Variants in TP63 observed in about 807,000 individuals in gnomAD.
TP63 encodes the protein tumor protein p63.
Under a neutral mutation model 82.8 loss-of-function variants are expected in TP63, and 17 were observed. That is an observed-to-expected ratio of 0.21 (90% CI 0.14 to 0.31). TP63 has a LOEUF of 0.31. TP63 is among the 10% of genes least tolerant of loss of function. The pLI is 1.00. For synonymous variants in TP63, 330 were observed against 321.7 expected (o/e 1.03, Z -0.28); for missense variants, 648 against 895.3 (o/e 0.72, Z 3.52).
intron 3 of TP63, among the ~76,000 whole-genome samples, chr3:189,797,457 CT>C (rs1338142896): frequency 6.6e-6 from 1 of 152,066 alleles, no homozygotes; most frequent in East Asian, 1.9e-4. Context: ...AGTGATCTTT[CT>C]CAAGTTTATT....
chr3:189,649,878 G>A lies in TP63; in HGVS notation c.62+18301G>A, dbSNP rs779761092. 7.5e-5 allele frequency among the ~76,000 whole-genome samples: 11 copies of A among 146,808 alleles called. 3 individuals are homozygous for A. The highest frequency in any genetic ancestry group is 4.8e-4 in the East Asian group (2 of 4,176). On this transcript the variant is annotated intron_variant, in intron 1 of 13. Coordinates refer to ENST00000264731, the MANE Select transcript of TP63 (RefSeq NM_003722.5). Reference sequence around the variant, plus strand: ...AACTGATGAGGAACAGGGATGTGACGTGTAGGTAAAAGTAATGATTAACTT... The same window carrying A: ...AACTGATGAGGAACAGGGATGTGACATGTAGGTAAAAGTAATGATTAACTT...
At chr3:189,837,066 G>A (rs144459541) in intron 4 of TP63, among the ~76,000 whole-genome samples, 9 of 152,214 alleles carry the variant, frequency 5.9e-5, no homozygotes, top group East Asian at 1.9e-4. Flanking sequence ...TGTGAGTACC[G>A]TGTTCTTCAC....
At chr3:189,666,773 GTA>G (rs1457647679) in intron 1 of TP63, among the ~76,000 whole-genome samples, 7 of 152,044 alleles carry the variant, frequency 4.6e-5, no homozygotes, top group African/African-American at 1.7e-4. Flanking sequence ...CAAGCTTAGT[GTA>G]TATGGGTAGT....
intron 3 of TP63, among the ~76,000 whole-genome samples, chr3:189,754,814 C>T (rs1722066227): frequency 6.6e-6 from 1 of 152,124 alleles, no homozygotes; most frequent in South Asian, 2.1e-4. Context: ...TCTCACACTG[C>T]CATTATCATC....
intron 1 of TP63, among the ~76,000 whole-genome samples, chr3:189,644,049 C>T (rs1014249801): frequency 5.3e-5 from 8 of 152,112 alleles, no homozygotes; most frequent in Admixed American, 3.3e-4. Context: ...ATTGCCTTCC[C>T]ACAATGTTGT....
the TP63 span, among the ~76,000 whole-genome samples, chr3:189,614,852 C>T: frequency 1.3e-5 from 2 of 152,148 alleles, no homozygotes; most frequent in African/African-American, 4.8e-5. Context: ...CTTTGGGAAC[C>T]GAACTGGACA....
chr3:189,749,710 A>G (rs73055253), intron 3 of TP63, among the ~76,000 whole-genome samples: 1 of 152,226 alleles, frequency 6.6e-6, no homozygotes, highest in African/African-American at 2.4e-5. Context: ...AAATCAGTAT[A>G]TCAAAAAGGA....
At chr3:189,637,401 C>T (rs921321820) in intron 1 of TP63, among the ~76,000 whole-genome samples, 2 of 152,112 alleles carry the variant, frequency 1.3e-5, no homozygotes, top group Non-Finnish European at 2.9e-5. Flanking sequence ...TTCATGTAAG[C>T]ATACCTCAAG....
chr3:189,741,581 T>C (rs1720993117), intron 3 of TP63, among the ~76,000 whole-genome samples: 1 of 152,214 alleles, frequency 6.6e-6, no homozygotes, highest in Admixed American at 6.5e-5. Flanking sequence ...ATTCATTAAG[T>C]AAGGATTGTA....
intron 1 of TP63, among the ~76,000 whole-genome samples, chr3:189,667,416 A>C (rs1714500991): frequency 6.6e-6 from 1 of 151,602 alleles, no homozygotes; most frequent in Non-Finnish European, 1.5e-5. Flanking sequence ...CTCTTGGTCT[A>C]CTCGCCTCTA....
chr3:189,603,674 AAAG>A, the TP63 span, among the ~76,000 whole-genome samples: 15 of 51,896 alleles, frequency 2.9e-4, 3 homozygotes, highest in Non-Finnish European at 6.6e-4. Flanking sequence ...AAAAAAAAAA[AAAG>A]AAGCACAGTC....
At chr3:189,671,670 C>G (rs1451204240) in intron 1 of TP63, among the ~76,000 whole-genome samples, 2 of 151,608 alleles carry the variant, frequency 1.3e-5, no homozygotes, top group Non-Finnish European at 3.0e-5. Context: ...GAATAAAGAA[C>G]TTATGATACA....
At chr3:189,838,211 T>C (rs1713428659) in intron 4 of TP63, among the ~76,000 whole-genome samples, 2 of 152,180 alleles carry the variant, frequency 1.3e-5, no homozygotes, top group Non-Finnish European at 2.9e-5. Context: ...TTCCTACCTT[T>C]TTGTTGTTGC....
intron 3 of TP63, among the ~76,000 whole-genome samples, chr3:189,790,671 C>T (rs1353415329): frequency 6.6e-6 from 1 of 151,952 alleles, no homozygotes; most frequent in African/African-American, 2.4e-5. Context: ...AGTTTACATT[C>T]CTCAGAATGG....
chr3:189,835,538 C>G (rs1271753716), intron 4 of TP63, among the ~76,000 whole-genome samples: 3 of 152,168 alleles, frequency 2.0e-5, no homozygotes, highest in Non-Finnish European at 2.9e-5. Context: ...GCAATACATT[C>G]TTACCGAAGG....
chr3:189,809,344 A>G (rs1388616233), intron 4 of TP63, among the ~76,000 whole-genome samples: 1 of 152,214 alleles, frequency 6.6e-6, no homozygotes, highest in Non-Finnish European at 1.5e-5. Flanking sequence ...CTAAGGAAGC[A>G]TGGAATTTTC....
At chr3:189,674,199 G>A (rs1715184803) in intron 1 of TP63, among the ~76,000 whole-genome samples, 1 of 152,066 alleles carries the variant, frequency 6.6e-6, no homozygotes, top group East Asian at 1.9e-4. Context: ...TCAAAAGTAG[G>A]TTAATATGAG....
At chr3:189,876,378 A>G (rs1719225612) in intron 10 of TP63, among the ~76,000 whole-genome samples, 1 of 152,210 alleles carries the variant, frequency 6.6e-6, no homozygotes, top group Non-Finnish European at 1.5e-5. Flanking sequence ...TTCATATTTC[A>G]TAAAATAATC....
intron 1 of TP63, among the ~76,000 whole-genome samples, chr3:189,733,137 T>G (rs542036973): frequency 2.0e-5 from 3 of 151,928 alleles, no homozygotes; most frequent in African/African-American, 7.2e-5. Flanking sequence ...CTTTTAGGAG[T>G]AAGAACCTAG....
Sources: gnomAD v4.1 joint callset for allele counts (sites outside exome capture counted in the v4.1 genomes callset) on GRCh38, gnomAD v4.1.1 for gene constraint, MANE v1.5 for transcripts, NCBI Gene and HGNC (gene_info 2026-07-23, HGNC 2026-07-21) for gene names.